Variants in PIK3CD observed in about 807,000 individuals in gnomAD.
The protein encoded by PIK3CD is phosphatidylinositol-4,5-bisphosphate 3-kinase catalytic subunit delta.
PIK3CD carries 20 observed loss-of-function variants against 122.9 expected under a neutral mutation model. The ratio of observed to expected loss-of-function variants is 0.16; its 90% confidence interval spans 0.11 to 0.24. PIK3CD has a LOEUF of 0.24. Among genes scored for constraint, PIK3CD ranks in the 10% least tolerant of loss-of-function variants. PIK3CD has a pLI of 1.00. For missense variants in PIK3CD, 787 were observed against 1,406.3 expected, an observed-to-expected ratio of 0.56 and a Z score of 7.04; for synonymous variants, 596 against 593.4, an observed-to-expected ratio of 1.00 and a Z score of -0.06.
chr1:9,725,638 G>A (rs1430864767), intron 23 of PIK3CD, among the ~76,000 whole-genome samples: 2 of 152,026 alleles, frequency 1.3e-5, no homozygotes, highest in Non-Finnish European at 2.9e-5. Context: ...CAGCACTTTG[G>A]GGGGCTGAGG....
Position 9,716,985 on chromosome 1 carries a change from G to A in PIK3CD, c.807G>A (p.Gly269=). ...FQYICSCLHS[G]LTPHLTMVHS... The stretch of plus-strand genomic sequence containing the variant: ...ACATCTGCAGCTGCCTGCACAGTGG[G>A]TTGACCCCTCACCTGACCATGGTCC... The change falls in exon 7 of 24, where the codon GGG becomes GGA. Residue 269 remains glycine (G), a synonymous_variant. Transcript: ENST00000377346. The A allele has an allele frequency of 6.2e-7, 1 of 1,613,868 alleles. No individual in the cohort carries two copies. Among genetic ancestry groups the A allele is most frequent in the South Asian group, 1.1e-5 (1 of 91,082 alleles).
At chr1:9,636,929 T>A in the PIK3CD span, among the ~76,000 whole-genome samples, 31 of 151,316 alleles carry the variant, frequency 2.0e-4, 1 homozygote, top group African/African-American at 7.5e-4. Flanking sequence ...ACGGAGTCTC[T>A]CTCTGTCACC....
chr1:9,707,054 C>T (rs1372435838), intron 2 of PIK3CD, among the ~76,000 whole-genome samples: 2 of 150,454 alleles, frequency 1.3e-5, no homozygotes, highest in African/African-American at 4.9e-5. Flanking sequence ...CTCAAGTGAT[C>T]CTCCTACCTT....
At chr1:9,692,678 C>T (rs1327698423) in intron 2 of PIK3CD, among the ~76,000 whole-genome samples, 4 of 151,768 alleles carry the variant, frequency 2.6e-5, no homozygotes, top group South Asian at 2.1e-4. Context: ...TGCAGTGAGC[C>T]GAGATCACAC....
intron 1 of PIK3CD, among the ~76,000 whole-genome samples, chr1:9,678,433 G>A (rs1444512960): frequency 6.6e-6 from 1 of 152,094 alleles, no homozygotes; most frequent in Non-Finnish European, 1.5e-5. Context: ...CAGTCTGGGT[G>A]ACAGAGCCAG....
At chr1:9,714,925 C>T (rs1005354453) in intron 3 of PIK3CD, among the ~76,000 whole-genome samples, 1 of 152,124 alleles carries the variant, frequency 6.6e-6, no homozygotes, top group Non-Finnish European at 1.5e-5. Context: ...AATCCCAGCA[C>T]TTTGGGAGGC....
At chr1:9,662,895 G>A (rs539658281) in intron 1 of PIK3CD, among the ~76,000 whole-genome samples, 1 of 152,054 alleles carries the variant, frequency 6.6e-6, no homozygotes, top group South Asian at 2.1e-4. Context: ...CACCATGTTG[G>A]CCAGGCTGAT....
At position 9,727,343 on chromosome 1, in the gene PIK3CD, A is replaced by C. The variant is rs567539940; in HGVS notation, c.*297A>C. On this transcript the variant is annotated 3_prime_UTR_variant, in exon 24 of 24. Coordinates refer to ENST00000377346, the MANE Select transcript of PIK3CD (RefSeq NM_005026.5). ...TCCAGCTGGTGGATCTGGGCCCAGC[A>C]AAGACTGTTCTCCTCCCGAGGGAAC... is the stretch of plus-strand genomic sequence containing the variant. 80 of 489,438 alleles carry C rather than the reference A, an allele frequency of 1.6e-4. 1 individual carries two copies. The highest frequency in any genetic ancestry group is 1.6e-3 in the South Asian group (77 of 48,298). The allele number at this position is 489,438 out of a possible 1,614,324, so 30.3% of individuals were successfully genotyped here.
intron 1 of PIK3CD, among the ~76,000 whole-genome samples, chr1:9,683,530 T>C (rs115045980): frequency 0.016 from 2,474 of 152,192 alleles, 73 homozygotes; most frequent in African/African-American, 0.057. Flanking sequence ...GAAGCAGTTT[T>C]AGGTGGTGGT....
intron 6 of PIK3CD, 24 bp downstream of exon 6, chr1:9,716,643 A>G (rs1257157094): frequency 6.5e-7 from 1 of 1,548,446 alleles, no homozygotes; most frequent in East Asian, 2.4e-5. Flanking sequence ...GGCCCTCTGC[A>G]CTCTGGGCTC....
At chr1:9,691,909 G>A (rs1646209760) in intron 2 of PIK3CD, 1 of 206,044 alleles carries the variant, frequency 4.9e-6, no homozygotes, top group African/African-American at 2.3e-5. Context: ...GGACTCGCCT[G>A]ACTGGGGAGA....
At chr1:9,658,901 C>T (rs1644935415) in intron 1 of PIK3CD, among the ~76,000 whole-genome samples, 1 of 152,128 alleles carries the variant, frequency 6.6e-6, no homozygotes. Flanking sequence ...ACAGCAATAC[C>T]TACCTGTTAG....
chr1:9,727,091 G>A lies in PIK3CD; in HGVS notation c.*45G>A, dbSNP rs777933284. The A allele has an allele frequency of 1.2e-5, 20 of 1,612,168 alleles. No individual in the cohort carries two copies. Among genetic ancestry groups the A allele is most frequent in the South Asian group, 2.2e-5 (2 of 90,934 alleles). On this transcript the variant is annotated 3_prime_UTR_variant, in exon 24 of 24. Coordinates refer to ENST00000377346, the MANE Select transcript of PIK3CD (RefSeq NM_005026.5). Reference sequence around the variant, plus strand: ...GCCCAAGAGGAGGCGGCTGCGGGTCGTGGGGACCAAGCACATTGGTCCTAA... The same window carrying A: ...GCCCAAGAGGAGGCGGCTGCGGGTCATGGGGACCAAGCACATTGGTCCTAA...
rs1192006749 is a variant in PIK3CD, at chr1:9,728,767, C to CTT, written c.*1722_*1723dup. The CTT allele has an allele frequency of 2.0e-5, 3 of 152,240 alleles. No individual in the cohort carries two copies. 9.4% of individuals were successfully genotyped at this position (152,240 alleles called of 1,614,324 possible). A position where few individuals can be genotyped will look rare whatever the true frequency, so the allele number is the denominator to read the frequency against. Reference sequence around the variant, plus strand: ...GCGTTTCTGGTTTTGGGTGTACAGTCTTGTGTGCCTGGCGAGAAGAATATT... The same window carrying CTT: ...GCGTTTCTGGTTTTGGGTGTACAGTCTTTTGTGTGCCTGGCGAGAAGAATATT... On this transcript the variant is annotated 3_prime_UTR_variant, in exon 24 of 24. Coordinates refer to ENST00000377346, the MANE Select transcript of PIK3CD (RefSeq NM_005026.5).
intron 1 of PIK3CD, among the ~76,000 whole-genome samples, chr1:9,685,165 C>T (rs919620781): frequency 6.6e-6 from 1 of 152,020 alleles, no homozygotes; most frequent in Admixed American, 6.6e-5. Context: ...TAATTAGGTC[C>T]CTCATTCTTG....
intron 1 of PIK3CD, among the ~76,000 whole-genome samples, chr1:9,657,690 C>A (rs189793436): frequency 5.3e-5 from 8 of 152,294 alleles, no homozygotes; most frequent in Admixed American, 5.2e-4. Flanking sequence ...CTGCCCTCCG[C>A]AGCCCATTCC....
intron 1 of PIK3CD, among the ~76,000 whole-genome samples, chr1:9,678,642 T>C (rs1012216399): frequency 1.3e-5 from 2 of 152,160 alleles, no homozygotes; most frequent in African/African-American, 4.8e-5. Flanking sequence ...AGGTCCAACC[T>C]CTAGCTTCTC....
At position 9,668,525 on chromosome 1, in the gene PIK3CD, C is replaced by T. The variant is rs61783034; in HGVS notation, c.-138+16723C>T. On this transcript the variant is annotated intron_variant, in intron 1 of 23. Transcript: ENST00000377346. ...GGGGTACAGGTGGTTTTTAGTTATACGAGTAAGTTCTTTAGTGGTGATTTC... is the reference window on the plus strand; with the variant it reads ...GGGGTACAGGTGGTTTTTAGTTATATGAGTAAGTTCTTTAGTGGTGATTTC... 9.7e-3 allele frequency among the ~76,000 whole-genome samples: 1,450 copies of T among 148,832 alleles called. 29 individuals are homozygous for T. The highest frequency in any genetic ancestry group is 0.034 in the African/African-American group (1,359 of 40,338).
upstream of PIK3CD, among the ~76,000 whole-genome samples, chr1:9,650,448 CA>C (rs1041643946): frequency 7.3e-5 from 11 of 151,160 alleles, no homozygotes. Flanking sequence ...AACAAAACAA[CA>C]AAAAACAAAC....
Sources: gnomAD v4.1 joint callset for allele counts (sites outside exome capture counted in the v4.1 genomes callset) on GRCh38, gnomAD v4.1.1 for gene constraint, MANE v1.5 for transcripts, NCBI Gene and HGNC (gene_info 2026-07-23, HGNC 2026-07-21) for gene names.